The following NTM variants were observed in gnomAD, a reference collection of about 807,000 sequenced individuals.
The protein encoded by NTM is IgLON family member 2.
A neutral mutation model predicts 42.1 loss-of-function variants in NTM; 13 were observed. The ratio of observed to expected loss-of-function variants is 0.31; its 90% CI spans 0.20 to 0.49. The LOEUF (loss-of-function observed/expected upper bound fraction) is 0.49, where lower values mean the gene tolerates loss of function less well. Among genes scored for constraint, NTM ranks in the 20% least tolerant of loss-of-function variants. The pLI is 0.99. For synonymous variants in NTM, 187 were observed against 179.2 expected, an observed-to-expected ratio of 1.04 and a Z score of -0.35; for missense variants, 373 against 452.8, an observed-to-expected ratio of 0.82 and a Z score of 1.60.
rs571457318 is a variant in NTM at position 131,945,255 on chromosome 11, G to C, written c.167+33607G>C. 1.2e-4 allele frequency among the ~76,000 whole-genome samples: 18 copies of C among 152,284 alleles called. No homozygotes were observed. In the South Asian group the frequency reaches 3.5e-3, roughly 30 times the overall value. ...CTCCTGTCTCACGCACACACACATA[G>C]CAAGAGGTCTGCTGTAGCACTTAAC... On this transcript the variant is annotated intron_variant, in intron 2 of 8. Transcript: ENST00000683400.
intron 3 of NTM, among the ~76,000 whole-genome samples, chr11:132,172,745 G>C (rs1045347314): frequency 2.0e-5 from 3 of 152,144 alleles, no homozygotes; most frequent in Non-Finnish European, 2.9e-5. Flanking sequence ...GGCTATTTCT[G>C]TCTCAAGTTA....
At chr11:132,062,685 C>T (rs1326720633) in intron 2 of NTM, among the ~76,000 whole-genome samples, 1 of 152,184 alleles carries the variant, frequency 6.6e-6, no homozygotes, top group Non-Finnish European at 1.5e-5. Context: ...AAAATATACA[C>T]AGTGAGAAGA....
intron 3 of NTM, among the ~76,000 whole-genome samples, chr11:132,188,935 T>A (rs1391728917): frequency 6.6e-6 from 1 of 152,148 alleles, no homozygotes; most frequent in Non-Finnish European, 1.5e-5. Flanking sequence ...TGCGCACACA[T>A]GAGTTTATAT....
At chr11:132,161,364 G>A (rs75835867) in intron 3 of NTM, among the ~76,000 whole-genome samples, 1 of 129,894 alleles carries the variant, frequency 7.7e-6, no homozygotes, top group Admixed American at 7.9e-5. Flanking sequence ...TTGGTCTTTC[G>A]AGCAGCTTTT....
chr11:131,950,332 T>G (rs960342300), intron 2 of NTM, among the ~76,000 whole-genome samples: 2 of 152,232 alleles, frequency 1.3e-5, no homozygotes, highest in Non-Finnish European at 2.9e-5. Flanking sequence ...GTGGATTCCC[T>G]TGCCTGGTTT....
chr11:131,612,462 G>C (rs1253097516), intron 1 of NTM, among the ~76,000 whole-genome samples: 1 of 152,236 alleles, frequency 6.6e-6, no homozygotes, highest in Non-Finnish European at 1.5e-5. Flanking sequence ...TTGGGCTGCT[G>C]TGATGCGTCA....
chr11:132,302,858 A>G (rs2094917485), intron 4 of NTM, among the ~76,000 whole-genome samples: 1 of 152,194 alleles, frequency 6.6e-6, no homozygotes, highest in Non-Finnish European at 1.5e-5. Context: ...CAAGAAAAAT[A>G]CGAGGCTTGA....
intron 1 of NTM, among the ~76,000 whole-genome samples, chr11:131,588,758 A>T (rs11222707): frequency 0.096 from 14,582 of 152,264 alleles, 1,767 homozygotes; most frequent in African/African-American, 0.28. Flanking sequence ...ACTACGTCAG[A>T]CAAGGTCTCC....
At chr11:131,787,768 G>T (rs1235330336) in intron 1 of NTM, among the ~76,000 whole-genome samples, 1 of 152,188 alleles carries the variant, frequency 6.6e-6, no homozygotes, top group Admixed American at 6.5e-5. Flanking sequence ...TTAAAGGTTA[G>T]TTGAACCTCA....
At chr11:131,927,745 A>G (rs986485545) in intron 2 of NTM, among the ~76,000 whole-genome samples, 1 of 152,250 alleles carries the variant, frequency 6.6e-6, no homozygotes, top group African/African-American at 2.4e-5. Context: ...TTTCATTGAC[A>G]CTGTTACAGA....
At chr11:131,706,042 C>T (rs564557143) in intron 1 of NTM, among the ~76,000 whole-genome samples, 56 of 152,062 alleles carry the variant, frequency 3.7e-4, no homozygotes, top group African/African-American at 1.3e-3. Context: ...CATATAATGA[C>T]TGAACAAATT....
At chr11:131,598,875 T>TCCTTCCTTCTTCCTTCCTTCCTTC (rs1174189983) in intron 1 of NTM, among the ~76,000 whole-genome samples, 2 of 35,034 alleles carry the variant, frequency 5.7e-5, no homozygotes, top group African/African-American at 2.0e-4. Flanking sequence ...CTTCCTTCCT[T>TCCTTCCTTCTTCCTTCCTTCCTTC]CTTCCTTCCT....
chr11:131,843,069 A>T (rs1592225099), intron 1 of NTM, among the ~76,000 whole-genome samples: 1 of 152,168 alleles, frequency 6.6e-6, no homozygotes, highest in East Asian at 1.9e-4. Flanking sequence ...TCATATGAAT[A>T]TTCCAAACAT....
chr11:131,765,394 T>G (rs2084938521), intron 1 of NTM, among the ~76,000 whole-genome samples: 1 of 152,186 alleles, frequency 6.6e-6, no homozygotes, highest in African/African-American at 2.4e-5. Context: ...TACGCCAGGT[T>G]CAACCCCCAT....
chr11:131,596,532 G>A (rs930208975), intron 1 of NTM, among the ~76,000 whole-genome samples: 5 of 152,204 alleles, frequency 3.3e-5, no homozygotes, highest in Non-Finnish European at 5.9e-5. Context: ...CTCCTCTGCC[G>A]ACCTCCTCAT....
intron 1 of NTM, among the ~76,000 whole-genome samples, chr11:131,898,527 A>T (rs1007529959): frequency 1.3e-5 from 2 of 152,044 alleles, no homozygotes; most frequent in Non-Finnish European, 2.9e-5. Flanking sequence ...TGATTCATTG[A>T]TTATCTGTGC....
intron 4 of NTM, among the ~76,000 whole-genome samples, chr11:132,272,302 TG>T (rs2093520377): frequency 6.6e-6 from 1 of 152,158 alleles, no homozygotes; most frequent in Non-Finnish European, 1.5e-5. Flanking sequence ...ATTTGGAATC[TG>T]GAAATGTGGG....
chr11:132,034,230 G>A (rs1348270946), intron 2 of NTM, among the ~76,000 whole-genome samples: 1 of 152,170 alleles, frequency 6.6e-6, no homozygotes, highest in East Asian at 1.9e-4. Context: ...TCACAGGCTA[G>A]TGCACATAGT....
chr11:131,523,866 T>C (rs1176147125), intron 1 of NTM, among the ~76,000 whole-genome samples: 2 of 150,220 alleles, frequency 1.3e-5, no homozygotes, highest in Non-Finnish European at 3.0e-5. Flanking sequence ...AGTGAAAGAA[T>C]TCTCTGTGCA....
Sources: allele counts gnomAD v4.1 joint callset (sites outside exome capture counted in the v4.1 genomes callset), GRCh38; gene constraint gnomAD v4.1.1; transcripts MANE v1.5; gene names NCBI Gene and HGNC (gene_info 2026-07-23, HGNC 2026-07-21).